PHIP: variants seen among roughly 807,000 people sequenced by gnomAD.
PHIP encodes the protein PHIP subunit of CUL4-Ring ligase complex.
Under a neutral mutation model 236.8 loss-of-function variants are expected in PHIP, and 54 were observed. That is an observed-to-expected ratio of 0.23 (90% CI 0.18 to 0.29). The LOEUF (loss-of-function observed/expected upper bound fraction) is 0.29. PHIP is among the 10% of genes least tolerant of loss of function. The pLI is 1.00. For synonymous variants in PHIP, 756 were observed against 718.9 expected (o/e 1.05, Z -0.83); for missense variants, 1,370 against 2,190.8 (o/e 0.63, Z 7.48).
intron 9 of PHIP, among the ~76,000 whole-genome samples, chr6:79,019,628 A>T (rs1382716534): frequency 6.6e-6 from 1 of 152,050 alleles, no homozygotes; most frequent in Admixed American, 6.6e-5. Flanking sequence ...TCTTTGACCT[A>T]CTAATGTGAT....
chr6:79,042,938 C>T lies in PHIP; in HGVS notation c.505G>A (p.Val169Met), dbSNP rs746837904. ...YRLERLVPTA[V>M]YQHMKMHKRI... is the part of the protein sequence containing the mutation. ...TTATGCATTTTCATGTGCTGATACACTGCAGTTGGAACAAGTCGCTCAAGT... is the reference window on the plus strand; with the variant it reads ...TTATGCATTTTCATGTGCTGATACATTGCAGTTGGAACAAGTCGCTCAAGT... Residue 169 changes from valine to methionine, a missense_variant, in exon 7 of 40, where the codon GTG (valine) becomes ATG (methionine). By Grantham distance (21) the Val-to-Met change is conservative. Around this residue, in one of 14 missense-constraint regions of PHIP, gnomAD observed 82 missense variants for 203.2 expected, o/e 0.40. Transcript: ENST00000275034. The T allele has an allele frequency of 1.9e-6, 3 of 1,612,248 alleles. No homozygotes were observed. The highest frequency in any genetic ancestry group is 2.5e-6 in the Non-Finnish European group (3 of 1,178,578).
chr6:79,064,642 C>G (rs997271872), intron 4 of PHIP, among the ~76,000 whole-genome samples: 11 of 152,178 alleles, frequency 7.2e-5, no homozygotes, highest in Non-Finnish European at 1.6e-4. Flanking sequence ...TTTTGTGACA[C>G]TCCTTGGCTT....
chr6:79,076,014 TTGAA>T (rs1445963130), intron 4 of PHIP, among the ~76,000 whole-genome samples: 8 of 152,194 alleles, frequency 5.3e-5, no homozygotes, highest in African/African-American at 1.4e-4. Flanking sequence ...TGGCCAAGAA[TTGAA>T]TGAAAGTAAC....
intron 32 of PHIP, chr6:78,957,838 TAATA>T (rs1490146192): frequency 6.6e-6 from 1 of 152,032 alleles, no homozygotes; most frequent in Non-Finnish European, 1.5e-5. Context: ...ACTTCTGCCT[TAATA>T]AATAGTGCTT....
chr6:79,054,701 G>A (rs1278435687), intron 6 of PHIP, among the ~76,000 whole-genome samples: 1 of 150,960 alleles, frequency 6.6e-6, no homozygotes, highest in East Asian at 1.9e-4. Context: ...AGAAATATAT[G>A]AGGAAAAATA....
At chr6:79,043,491 T>C (rs1772326740) in intron 6 of PHIP, among the ~76,000 whole-genome samples, 1 of 152,158 alleles carries the variant, frequency 6.6e-6, no homozygotes, top group Admixed American at 6.6e-5. Context: ...CAAGTGAAGA[T>C]AAAGGAATAC....
chr6:78,988,714 TTGA>T (rs1582176092), intron 20 of PHIP, among the ~76,000 whole-genome samples: 1 of 151,922 alleles, frequency 6.6e-6, no homozygotes, highest in East Asian at 1.9e-4. Flanking sequence ...TACTTGCTGA[TTGA>T]TTAGTTACAA....
intron 35 of PHIP, among the ~76,000 whole-genome samples, chr6:78,948,571 T>G (rs1423479126): frequency 6.6e-6 from 1 of 152,162 alleles, no homozygotes; most frequent in Non-Finnish European, 1.5e-5. Flanking sequence ...CAAAGCTCAC[T>G]GCATCCTTGG....
At chr6:79,009,160 C>T (rs184817360) in intron 15 of PHIP, among the ~76,000 whole-genome samples, 1 of 152,150 alleles carries the variant, frequency 6.6e-6, no homozygotes, top group African/African-American at 2.4e-5. Context: ...TTTACTAAAG[C>T]CCCCACAAGG....
chr6:79,037,776 G>T (rs1772013672), intron 7 of PHIP, among the ~76,000 whole-genome samples: 1 of 152,162 alleles, frequency 6.6e-6, no homozygotes. Flanking sequence ...TGCAAGAATG[G>T]ACATTAGTCA....
At chr6:79,065,771 C>T (rs1773592416) in intron 4 of PHIP, among the ~76,000 whole-genome samples, 2 of 140,020 alleles carry the variant, frequency 1.4e-5, no homozygotes, top group Admixed American at 1.4e-4. Context: ...ATACCACACA[C>T]ACACACACAC....
intron 36 of PHIP, among the ~76,000 whole-genome samples, chr6:78,947,204 G>C (rs535018102): frequency 2.8e-4 from 42 of 152,186 alleles, no homozygotes; most frequent in African/African-American, 1.0e-3. Context: ...TTTCTATCTA[G>C]GACTAGCATC....
intron 36 of PHIP, 66 bp from the exon 37 acceptor site, chr6:78,946,940 T>A (rs1350727462): frequency 2.3e-6 from 2 of 876,942 alleles, no homozygotes; most frequent in Non-Finnish European, 3.5e-6. Flanking sequence ...CAGTAAATAC[T>A]GTAATGTAAA....
intron 30 of PHIP, among the ~76,000 whole-genome samples, chr6:78,962,779 C>T (rs1007824142): frequency 1.3e-5 from 2 of 152,144 alleles, no homozygotes; most frequent in African/African-American, 4.8e-5. Flanking sequence ...AATCCTCCTC[C>T]TCCAATTCAT....
chr6:79,057,022 T>C (rs761383320), intron 6 of PHIP, among the ~76,000 whole-genome samples: 1 of 152,100 alleles, frequency 6.6e-6, no homozygotes, highest in Non-Finnish European at 1.5e-5. Flanking sequence ...ACATAAGAAA[T>C]GAACAGTAAA....
chr6:78,955,227 A>G lies in PHIP; in HGVS notation c.3903+5T>C, dbSNP rs748235385. 1.3e-6 allele frequency: 2 copies of G among 1,597,162 alleles called. No homozygotes were observed. Among genetic ancestry groups the G allele is most frequent in the South Asian group, 2.2e-5 (2 of 90,152 alleles). The stretch of plus-strand genomic sequence containing the variant: ...GTACTTCTGCTAAAACTAAAACTAT[A>G]TTACCTTCCTTTTTCGAGTAGAAGT... On this transcript the variant is annotated splice_donor_5th_base_variant and intron_variant, in intron 34 of 39. Transcript: ENST00000275034.
At chr6:78,998,943 T>A (rs1434308866) in intron 17 of PHIP, among the ~76,000 whole-genome samples, 3 of 152,064 alleles carry the variant, frequency 2.0e-5, no homozygotes, top group Non-Finnish European at 2.9e-5. Context: ...GCTGACATAC[T>A]GATGGGGAAA....
rs1314437795 is a variant in PHIP, at chr6:78,988,329, G to A, written c.2340C>T (p.Phe780=). ...TVSKNHAHEH[F]LDLGESKKQQ... is the part of the protein sequence containing the mutation. ...GCTTTTTGGATTCTCCAAGATCCAG[G>A]AAATGCTCATGAGCATGATTCTAGA... is the stretch of plus-strand genomic sequence containing the variant. The change falls in exon 21 of 40, where the codon TTC becomes TTT. Residue 780 remains phenylalanine (F), a synonymous_variant. Transcript: ENST00000275034. The A allele has an allele frequency of 6.2e-7, 1 of 1,601,668 alleles. No homozygotes were observed. Among genetic ancestry groups the A allele is most frequent in the Non-Finnish European group, 8.5e-7 (1 of 1,172,340 alleles).
At chr6:78,970,936 T>A (rs1239049562) in intron 24 of PHIP, 48 bp from the exon 25 acceptor site, 3 of 1,260,690 alleles carry the variant, frequency 2.4e-6, no homozygotes, top group Non-Finnish European at 2.3e-6. Context: ...TTTCCTTTAA[T>A]CCAATATACA....
Sources: gnomAD v4.1 joint callset for allele counts (sites outside exome capture counted in the v4.1 genomes callset) on GRCh38, gnomAD v4.1.1 for gene constraint, gnomAD v4.1.1 regional missense constraint, MANE v1.5 for transcripts, NCBI Gene and HGNC (gene_info 2026-07-23, HGNC 2026-07-21) for gene names.